Variants in MDM1 observed in about 807,000 individuals in gnomAD.
MDM1 encodes the protein stabilizer of axonemal microtubules 6.
A neutral mutation model predicts 89.1 loss-of-function variants in MDM1; 61 were observed. The observed-to-expected ratio is 0.68, with a 90% confidence interval of 0.56 to 0.85. The LOEUF (loss-of-function observed/expected upper bound fraction) is 0.85. MDM1 is among the 40% of genes least tolerant of loss of function. The pLI, the probability that MDM1 is intolerant of heterozygous loss-of-function variation, is 0.00. For synonymous variants in MDM1, 290 were observed against 294.1 expected (o/e 0.99, Z 0.14); for missense variants, 820 against 846.5 (o/e 0.97, Z 0.39).
intron 7 of MDM1, chr12:68,320,915 AAC>A (rs2121069346): frequency 6.5e-6 from 1 of 153,578 alleles, no homozygotes; most frequent in Admixed American, 6.5e-5. Context: ...CACCTCTAAC[AAC>A]ACAAACTTCA....
intron 3 of MDM1, chr12:68,326,250 T>C (rs983183163): frequency 2.5e-5 from 29 of 1,158,232 alleles, no homozygotes; most frequent in Middle Eastern, 3.6e-4. Context: ...ATTTCATCAA[T>C]TGAATTTCTG....
intron 9 of MDM1, 65 bp downstream of exon 9, chr12:68,316,013 A>C: frequency 7.3e-7 from 1 of 1,362,958 alleles, no homozygotes; most frequent in Non-Finnish European, 9.9e-7. Flanking sequence ...TCATTTTCCT[A>C]TATCATTCTA....
At position 68,315,256 on chromosome 12, in the gene MDM1, T is replaced by C. The variant is rs751273561; in HGVS notation, c.1221A>G (p.Thr407=). Reference sequence around the variant, plus strand: ...GACATTTCTGCAAAGTCTTATGGCTTGTAGGATCTCTGCGTAACAAAATCA... The same window carrying C: ...GACATTTCTGCAAAGTCTTATGGCTCGTAGGATCTCTGCGTAACAAAATCA... The part of the protein sequence containing the change: ...IRALDLAGDP[T]SHKTLQKCPS... Residue 407 remains threonine, a synonymous_variant, in exon 10 of 15, where the codon ACA becomes ACG. Coordinates refer to ENST00000682720, the MANE Select transcript of MDM1 (RefSeq NM_001354969.2). 6.2e-7 allele frequency: 1 copy of C among 1,611,080 alleles called. No individual in the cohort carries two copies. The highest frequency in any genetic ancestry group is 1.1e-5 in the South Asian group (1 of 90,868).
intron 13 of MDM1, among the ~76,000 whole-genome samples, chr12:68,300,802 G>C (rs568109023): frequency 6.6e-6 from 1 of 152,202 alleles, no homozygotes; most frequent in South Asian, 2.1e-4. Flanking sequence ...CAATACTCTA[G>C]AACAAATGGA....
chr12:68,299,121 A>T (rs1229112556), intron 13 of MDM1, among the ~76,000 whole-genome samples: 1 of 152,194 alleles, frequency 6.6e-6, no homozygotes, highest in Non-Finnish European at 1.5e-5. Context: ...GGGGAAAAAA[A>T]TTTTAAAAAA....
intron 1 of MDM1, among the ~76,000 whole-genome samples, chr12:68,331,575 C>T (rs1876824227): frequency 6.6e-6 from 1 of 152,132 alleles, no homozygotes; most frequent in Non-Finnish European, 1.5e-5. Flanking sequence ...ACCGAGTACA[C>T]AATATTATGT....
chr12:68,315,037 C>G lies in MDM1; in HGVS notation c.1440G>C (p.Gly480=). 2 of 1,614,006 alleles carry G rather than the reference C, an allele frequency of 1.2e-6. No individual in the cohort carries two copies. The highest frequency in any genetic ancestry group is 1.7e-5 in the Admixed American group (1 of 59,990). Residue 480 remains glycine (G), a synonymous_variant, in exon 10 of 15, where the codon GGG becomes GGC. Transcript: ENST00000682720. Reference sequence around the variant, plus strand: ...AAGCCTGCTTGCCCGTTTTCCTGTCCCCTTCCTCTTCATTGTCGTCCTCCT... The same window carrying G: ...AAGCCTGCTTGCCCGTTTTCCTGTCGCCTTCCTCTTCATTGTCGTCCTCCT... ...KEEEDDNEEE[G]DRKTGKQAFM...
intron 12 of MDM1, among the ~76,000 whole-genome samples, chr12:68,307,703 C>T (rs1281599190): frequency 1.3e-5 from 2 of 151,862 alleles, no homozygotes; most frequent in Admixed American, 6.6e-5. Flanking sequence ...TTTGGGAGGC[C>T]GATGCAGGTG....
In MDM1 at chr12:68,323,081, C is replaced by G; in HGVS notation, c.793G>C (p.Glu265Gln). ...TAAAAGTTGATGAATACCTTCCTTTCAGGAGACACTGTTTCAAGATTTCTG... is the reference window on the plus strand; with the variant it reads ...TAAAAGTTGATGAATACCTTCCTTTGAGGAGACACTGTTTCAAGATTTCTG... ...ENRNLETVSP[E>Q]RKSNKIDDRL... The change falls in exon 5 of 15, where the codon GAA (glutamate) becomes CAA (glutamine). Residue 265 changes from glutamate (E) to glutamine (Q), a missense_variant. Physicochemically the swap from Glu to Gln is conservative, Grantham distance 29. Transcript: ENST00000682720. 1 of 1,604,908 alleles carries G rather than the reference C, an allele frequency of 6.2e-7. No individual in the cohort carries two copies. Among genetic ancestry groups the G allele is most frequent in the Non-Finnish European group, 8.5e-7 (1 of 1,177,332 alleles).
In MDM1 at chr12:68,321,641, T is replaced by A. The variant is rs745445689; in HGVS notation, c.802-13A>T. 11 of 1,552,874 alleles carry A rather than the reference T, an allele frequency of 7.1e-6. No individual in the cohort carries two copies. The South Asian group carries it at 1.2e-4, about 18-fold the overall frequency. On this transcript the variant is annotated splice_polypyrimidine_tract_variant and intron_variant, in intron 5 of 14. Coordinates refer to ENST00000682720, the MANE Select transcript of MDM1 (RefSeq NM_001354969.2). ...CTATTTTATTACTCTGAAATGGAAATCATTTAAGCTTTTTATGCTTAAGAT... is the reference window on the plus strand; with the variant it reads ...CTATTTTATTACTCTGAAATGGAAAACATTTAAGCTTTTTATGCTTAAGAT...
At chr12:68,301,946 T>C (rs1023491370) in intron 13 of MDM1, among the ~76,000 whole-genome samples, 4 of 152,096 alleles carry the variant, frequency 2.6e-5, no homozygotes, top group Admixed American at 6.6e-5. Context: ...CCAAAGTGGC[T>C]GGGATTACAA....
At chr12:68,325,301 C>A (rs1875805258) in intron 4 of MDM1, 140 bp downstream of exon 4, 3 of 1,347,594 alleles carry the variant, frequency 2.2e-6, no homozygotes, top group African/African-American at 3.0e-5. Context: ...ATGATTTTAG[C>A]AAAACTCTCA....
chr12:68,305,420 G>A (rs2120836656), intron 12 of MDM1, among the ~76,000 whole-genome samples: 1 of 152,072 alleles, frequency 6.6e-6, no homozygotes, highest in South Asian at 2.1e-4. Flanking sequence ...GAGCAATCGG[G>A]CAAGAAAAAG....
chr12:68,303,516 C>T (rs1333317002), intron 12 of MDM1, among the ~76,000 whole-genome samples: 1 of 151,964 alleles, frequency 6.6e-6, no homozygotes, highest in Non-Finnish European at 1.5e-5. Context: ...CTCACAAACA[C>T]AAAATAATAT....
At position 68,314,957 on chromosome 12, in the gene MDM1, A is replaced by G; in HGVS notation, c.1520T>C (p.Met507Thr). Residue 507 changes from methionine (M) to threonine (T), a missense_variant, in exon 10 of 15, where the codon ATG (methionine) becomes ACG (threonine). Transcript: ENST00000682720. ...DVREKSKADK[M>T]KEGSDSSVSS... ...AATTTAAAACTCTCACCCTTCTTTC[A>G]TCTTATCTGCCTTAGATTTCTCACG... The G allele has an allele frequency of 6.2e-7, 1 of 1,613,244 alleles. No individual in the cohort carries two copies. Among genetic ancestry groups the G allele is most frequent in the Non-Finnish European group, 8.5e-7 (1 of 1,179,346 alleles).
At chr12:68,331,913 A>G in intron 1 of MDM1, 3 of 657,908 alleles carry the variant, frequency 4.6e-6, no homozygotes, top group South Asian at 3.0e-5. Context: ...AGGTGTCCCA[A>G]TCTGAAGTCG....
chr12:68,296,955 T>G lies in MDM1; in HGVS notation c.2030A>C (p.Gln677Pro). Residue 677 changes from glutamine to proline, a missense_variant, in exon 14 of 15, where the codon CAG (glutamine) becomes CCG (proline). By Grantham distance (76) the Gln-to-Pro change is moderately conservative (BLOSUM62 -1). Coordinates refer to ENST00000682720, the MANE Select transcript of MDM1 (RefSeq NM_001354969.2). ...ATTAAAGGCTTCATGTTGAGGTAAC[T>G]GCAAATTGTTCATCCTTGCTTTTCC... The part of the protein sequence containing the change: ...NVGKARMNNL[Q>P]LPQHEAFNDE... 3 of 1,592,398 alleles carry G rather than the reference T, an allele frequency of 1.9e-6. No individual in the cohort carries two copies. Among genetic ancestry groups the G allele is most frequent in the Non-Finnish European group, 2.6e-6 (3 of 1,172,052 alleles).
chr12:68,318,260 T>C (rs1047617242), intron 7 of MDM1, among the ~76,000 whole-genome samples: 21 of 152,136 alleles, frequency 1.4e-4, no homozygotes, highest in Non-Finnish European at 2.9e-5. Flanking sequence ...CTGCACTGTG[T>C]TGGGTAGATT....
chr12:68,322,454 G>A (rs1875355511), intron 5 of MDM1, among the ~76,000 whole-genome samples: 1 of 152,068 alleles, frequency 6.6e-6, no homozygotes, highest in African/African-American at 2.4e-5. Flanking sequence ...CCAACACAGT[G>A]AAACCCGCAT....
Sources: gnomAD v4.1 joint callset for allele counts (sites outside exome capture counted in the v4.1 genomes callset) on GRCh38, gnomAD v4.1.1 for gene constraint, MANE v1.5 for transcripts, NCBI Gene and HGNC (gene_info 2026-07-23, HGNC 2026-07-21) for gene names.